The following ME3 variants were observed in gnomAD, a reference collection of about 807,000 sequenced individuals.
ME3 encodes the protein NADP-dependent malic enzyme, mitochondrial.
Under a neutral mutation model 68.9 loss-of-function variants are expected in ME3, and 48 were observed. The observed-to-expected ratio is 0.70, with a 90% CI of 0.55 to 0.89. The LOEUF is 0.89. Among genes scored for constraint, ME3 ranks in the 40% least tolerant of loss-of-function variants. The probability of loss-of-function intolerance (pLI) is 0.00; values close to 1 mark genes in which losing one functional copy is unlikely to be tolerated. For missense variants in ME3, 675 were observed against 797.4 expected (o/e 0.85, Z 1.85); for synonymous variants, 320 against 318.8 (o/e 1.00, Z -0.04).
At chr11:86,607,955 C>G (rs1460613846) in intron 2 of ME3, among the ~76,000 whole-genome samples, 1 of 152,094 alleles carries the variant, frequency 6.6e-6, no homozygotes, top group Non-Finnish European at 1.5e-5. Flanking sequence ...TGCCATGTCT[C>G]CCCTGGGTGC....
At chr11:86,604,377 G>A (rs1393177252) in intron 2 of ME3, among the ~76,000 whole-genome samples, 1 of 152,070 alleles carries the variant, frequency 6.6e-6, no homozygotes, top group Non-Finnish European at 1.5e-5. Context: ...CATTCAGATG[G>A]TTGTGGGGTG....
intron 2 of ME3, among the ~76,000 whole-genome samples, chr11:86,565,271 A>T (rs765772031): frequency 5.9e-5 from 9 of 152,208 alleles, no homozygotes; most frequent in Non-Finnish European, 1.0e-4. Context: ...TCTGACTGGT[A>T]CATTGCTGGT....
intron 4 of ME3, among the ~76,000 whole-genome samples, chr11:86,529,558 A>C (rs1033648963): frequency 9.9e-5 from 15 of 152,226 alleles, no homozygotes; most frequent in African/African-American, 3.1e-4. Context: ...CAACAAAAAA[A>C]GAGAATTTTA....
intron 4 of ME3, among the ~76,000 whole-genome samples, chr11:86,526,996 T>G (rs1375214939): frequency 1.3e-5 from 2 of 152,084 alleles, no homozygotes; most frequent in Non-Finnish European, 2.9e-5. Context: ...TCACCAGCAA[T>G]GGAACAAAGC....
rs545491896 is a variant in ME3, at chr11:86,627,189, C to T, written c.183+44573G>A. Among the ~76,000 whole-genome samples the T allele has an allele frequency of 6.6e-4, 101 of 152,312 alleles. 1 individual carries two copies. The highest frequency in any genetic ancestry group is 2.3e-3 in the African/African-American group (96 of 41,580). On this transcript the variant is annotated intron_variant, in intron 2 of 14. Transcript: ENST00000543262. ...GAGATTTGGTTTTCTATTCTGAAAG[C>T]TCTGGAAAGTTGGGTTATAGGCCCC...
At chr11:86,535,199 C>T (rs1955568510) in intron 4 of ME3, among the ~76,000 whole-genome samples, 1 of 152,162 alleles carries the variant, frequency 6.6e-6, no homozygotes. Flanking sequence ...TTCTCTGCTC[C>T]TTACTACTTC....
At chr11:86,635,505 A>C (rs1338450492) in intron 2 of ME3, among the ~76,000 whole-genome samples, 3 of 152,192 alleles carry the variant, frequency 2.0e-5, no homozygotes, top group South Asian at 4.1e-4. Flanking sequence ...TTGGAAACTA[A>C]CTTACTCTCC....
At chr11:86,509,630 A>G (rs893666837) in intron 4 of ME3, among the ~76,000 whole-genome samples, 1 of 152,200 alleles carries the variant, frequency 6.6e-6, no homozygotes, top group Non-Finnish European at 1.5e-5. Context: ...AGTTGGGGCT[A>G]GAAGAGAAGC....
chr11:86,653,643 A>T (rs1479057604), intron 2 of ME3, among the ~76,000 whole-genome samples: 1 of 152,136 alleles, frequency 6.6e-6, no homozygotes, highest in African/African-American at 2.4e-5. Flanking sequence ...AGAGAAAGCA[A>T]GAAAGATCTA....
chr11:86,591,849 A>G (rs1809338709), intron 2 of ME3, among the ~76,000 whole-genome samples: 1 of 151,998 alleles, frequency 6.6e-6, no homozygotes, highest in Non-Finnish European at 1.5e-5. Flanking sequence ...CTGTGACTCA[A>G]TTACCTCCCA....
At chr11:86,556,600 G>A (rs747955775) in exon 4 of ME3, 34 of 1,613,974 alleles carry the variant, frequency 2.1e-5, no homozygotes, top group Admixed American at 8.3e-5. Flanking sequence ...CCAGCCCCAC[G>A]GTAGGCGTGT....
chr11:86,480,354 C>T (rs1346537439), intron 7 of ME3, among the ~76,000 whole-genome samples: 5 of 152,186 alleles, frequency 3.3e-5, no homozygotes, highest in African/African-American at 9.6e-5. Flanking sequence ...TATTCCCTCA[C>T]GGGATAAGTA....
chr11:86,659,788 C>T (rs990289470), intron 2 of ME3, among the ~76,000 whole-genome samples: 2 of 152,184 alleles, frequency 1.3e-5, no homozygotes, highest in African/African-American at 4.8e-5. Context: ...CTATCAGAAT[C>T]TCATGAGACT....
chr11:86,656,569 A>C (rs1215570952), intron 2 of ME3, among the ~76,000 whole-genome samples: 1 of 139,946 alleles, frequency 7.1e-6, no homozygotes, highest in Non-Finnish European at 1.5e-5. Context: ...GGACACAGGA[A>C]GGGGAACATC....
chr11:86,666,078 A>G (rs1946570914), intron 2 of ME3, among the ~76,000 whole-genome samples: 1 of 152,212 alleles, frequency 6.6e-6, no homozygotes, highest in Non-Finnish European at 1.5e-5. Context: ...TTGTGGTAGT[A>G]TCTTCATTTT....
At chr11:86,582,974 A>G (rs1958528634) in intron 2 of ME3, among the ~76,000 whole-genome samples, 1 of 152,138 alleles carries the variant, frequency 6.6e-6, no homozygotes, top group Non-Finnish European at 1.5e-5. Context: ...GTGGCAGTTA[A>G]AACTTGGTGA....
chr11:86,497,102 G>A (rs1054149567), intron 6 of ME3, among the ~76,000 whole-genome samples: 3 of 152,042 alleles, frequency 2.0e-5, no homozygotes, highest in African/African-American at 7.3e-5. Context: ...TCCTGTCTCA[G>A]CCTCCCCAGT....
chr11:86,453,632 A>G (rs1158490927), intron 8 of ME3, among the ~76,000 whole-genome samples: 1 of 152,236 alleles, frequency 6.6e-6, no homozygotes, highest in Non-Finnish European at 1.5e-5. Context: ...TTTTTTAAGT[A>G]TAAGTATGTC....
At chr11:86,611,382 A>G (rs774844821) in intron 2 of ME3, among the ~76,000 whole-genome samples, 5 of 152,176 alleles carry the variant, frequency 3.3e-5, no homozygotes, top group African/African-American at 1.2e-4. Context: ...TATGGTGACT[A>G]TAGTTAATAA....
Sources: gnomAD v4.1 joint callset for allele counts (sites outside exome capture counted in the v4.1 genomes callset) on GRCh38, gnomAD v4.1.1 for gene constraint, MANE v1.5 for transcripts, NCBI Gene and HGNC (gene_info 2026-07-23, HGNC 2026-07-21) for gene names.